The following CNTN5 variants were observed in gnomAD, a reference collection of about 807,000 sequenced individuals.
CNTN5 encodes contactin 5.
Under a neutral mutation model 129.1 loss-of-function variants are expected in CNTN5, and 77 were observed. That is an observed-to-expected ratio of 0.60 (90% CI 0.50 to 0.72). The LOEUF (loss-of-function observed/expected upper bound fraction) is 0.72, where lower values mean the gene tolerates loss of function less well. Ranked by LOEUF, CNTN5 falls within the 30% of genes least tolerant of loss-of-function variation. The probability of loss-of-function intolerance (pLI) is 0.00; values close to 1 mark genes in which losing one functional copy is unlikely to be tolerated. For synonymous variants in CNTN5, 509 were observed against 465.6 expected (o/e 1.09, Z -1.20); for missense variants, 1,478 against 1,328.8 (o/e 1.11, Z -1.75).
In CNTN5 at chr11:99,813,419, A is replaced by C. The variant is rs1946489410; in HGVS notation, c.56-6125A>C. ...TACCAAATGGTCTATCTTAGAAGAC[A>C]CCTTTCCATGACAGAAGTGTGGAAA... On this transcript the variant is annotated intron_variant, in intron 3 of 24. Transcript: ENST00000524871. 1.3e-5 allele frequency among the ~76,000 whole-genome samples: 2 copies of C among 152,206 alleles called. 1 individual carries two copies. The highest frequency in any genetic ancestry group is 4.1e-4 in the South Asian group (2 of 4,836).
At chr11:99,629,408 C>G (rs888299605) in intron 3 of CNTN5, among the ~76,000 whole-genome samples, 7 of 151,948 alleles carry the variant, frequency 4.6e-5, no homozygotes, top group African/African-American at 7.2e-5. Flanking sequence ...GAGGTCTTTA[C>G]TCTTCTGGAA....
intron 13 of CNTN5, among the ~76,000 whole-genome samples, chr11:100,147,434 T>G (rs1946889246): frequency 6.6e-6 from 1 of 151,974 alleles, no homozygotes; most frequent in Admixed American, 6.6e-5. Context: ...TCATGGTATC[T>G]TGCCTCAGTT....
chr11:99,741,166 TATC>T (rs1943877210), intron 3 of CNTN5, among the ~76,000 whole-genome samples: 1 of 152,304 alleles, frequency 6.6e-6, no homozygotes, highest in East Asian at 1.9e-4. Context: ...AGAATAATAA[TATC>T]ATATAACATT....
At chr11:99,369,301 C>T (rs1051282378) in intron 2 of CNTN5, among the ~76,000 whole-genome samples, 2 of 112,414 alleles carry the variant, frequency 1.8e-5, no homozygotes, top group African/African-American at 6.1e-5. Flanking sequence ...AGTAGATATA[C>T]AGTCAAGAAG....
chr11:99,578,286 C>T (rs1266931603), intron 3 of CNTN5, among the ~76,000 whole-genome samples: 1 of 151,946 alleles, frequency 6.6e-6, no homozygotes, highest in African/African-American at 2.4e-5. Context: ...CCACAATAAA[C>T]ATACGTGTGC....
chr11:99,705,944 A>T (rs1954737140), intron 3 of CNTN5, among the ~76,000 whole-genome samples: 1 of 151,472 alleles, frequency 6.6e-6, no homozygotes, highest in African/African-American at 2.4e-5. Context: ...GTGTTGGGAT[A>T]GCTCAGACAA....
At chr11:99,722,239 C>T (rs774760705) in intron 3 of CNTN5, among the ~76,000 whole-genome samples, 2 of 152,128 alleles carry the variant, frequency 1.3e-5, no homozygotes, top group Non-Finnish European at 2.9e-5. Context: ...CCTAAATTTC[C>T]ATCAGTGACA....
intron 3 of CNTN5, among the ~76,000 whole-genome samples, chr11:99,682,111 A>C (rs1021394452): frequency 6.6e-6 from 1 of 152,206 alleles, no homozygotes; most frequent in Admixed American, 6.6e-5. Context: ...ATTGTTTATG[A>C]ATAATCTATC....
At chr11:99,358,508 C>T (rs1466156497) in intron 2 of CNTN5, among the ~76,000 whole-genome samples, 1 of 151,178 alleles carries the variant, frequency 6.6e-6, no homozygotes, top group Non-Finnish European at 1.5e-5. Context: ...TTGCAGCCAG[C>T]CAAGATCGCG....
intron 1 of CNTN5, among the ~76,000 whole-genome samples, chr11:99,286,634 A>G (rs189511733): frequency 6.6e-6 from 1 of 152,298 alleles, no homozygotes; most frequent in East Asian, 1.9e-4. Flanking sequence ...ATATAATAAC[A>G]AAAGAAGCCT....
intron 9 of CNTN5, among the ~76,000 whole-genome samples, chr11:100,042,005 T>G (rs1328606589): frequency 6.6e-6 from 1 of 152,180 alleles, no homozygotes; most frequent in African/African-American, 2.4e-5. Flanking sequence ...TTATTATCCC[T>G]GAAGGCCAAT....
chr11:99,777,463 C>A (rs1458403158), intron 3 of CNTN5, among the ~76,000 whole-genome samples: 4 of 151,848 alleles, frequency 2.6e-5, no homozygotes, highest in East Asian at 1.9e-4. Flanking sequence ...GATGCTAACA[C>A]AATGTCTCAA....
intron 1 of CNTN5, among the ~76,000 whole-genome samples, chr11:99,088,262 C>G (rs528025034): frequency 9.2e-4 from 140 of 152,228 alleles, no homozygotes; most frequent in Non-Finnish European, 1.7e-3. Context: ...TATCTGTGCC[C>G]TGATAGTGCT....
At chr11:99,081,947 G>C (rs1339890960) in intron 1 of CNTN5, among the ~76,000 whole-genome samples, 1 of 152,048 alleles carries the variant, frequency 6.6e-6, no homozygotes, top group East Asian at 1.9e-4. Flanking sequence ...GAAATTCATA[G>C]ATAATATAAC....
intron 1 of CNTN5, among the ~76,000 whole-genome samples, chr11:99,121,895 C>A (rs562665783): frequency 7.3e-6 from 1 of 137,802 alleles, no homozygotes; most frequent in South Asian, 2.3e-4. Flanking sequence ...TTTTGAATTT[C>A]TTTTTTTCTT....
At chr11:99,680,565 C>G (rs557557431) in intron 3 of CNTN5, among the ~76,000 whole-genome samples, 2 of 152,114 alleles carry the variant, frequency 1.3e-5, no homozygotes. Flanking sequence ...CAAAACATGA[C>G]GGCTCATTGA....
chr11:99,845,563 G>A (rs1004877473), intron 6 of CNTN5, among the ~76,000 whole-genome samples: 1 of 151,634 alleles, frequency 6.6e-6, no homozygotes, highest in South Asian at 2.1e-4. Context: ...TAGTAGAGAC[G>A]GGGTTTCACC....
intron 13 of CNTN5, among the ~76,000 whole-genome samples, chr11:100,166,285 A>G (rs1389359939): frequency 6.6e-6 from 1 of 151,780 alleles, no homozygotes; most frequent in Non-Finnish European, 1.5e-5. Context: ...TCATCTGACC[A>G]GACATTATTA....
At chr11:99,618,962 TAATC>T (rs549603194) in intron 3 of CNTN5, among the ~76,000 whole-genome samples, 1 of 152,182 alleles carries the variant, frequency 6.6e-6, no homozygotes, top group Non-Finnish European at 1.5e-5. Context: ...GAAGTTTTAT[TAATC>T]AATGAGTCTG....
Sources: allele counts gnomAD v4.1 joint callset (sites outside exome capture counted in the v4.1 genomes callset), GRCh38; gene constraint gnomAD v4.1.1; transcripts MANE v1.5; gene names NCBI Gene and HGNC (gene_info 2026-07-23, HGNC 2026-07-21).